The following TRAPPC9 variants were observed in gnomAD, a reference collection of about 807,000 sequenced individuals.
TRAPPC9 encodes the protein trafficking protein particle complex subunit 9.
In TRAPPC9, 83 loss-of-function variants were observed where a neutral mutation model predicts 124.0. The ratio of observed to expected loss-of-function variants is 0.67; its 90% CI spans 0.56 to 0.80. The LOEUF (loss-of-function observed/expected upper bound fraction) is 0.80, where lower values mean the gene tolerates loss of function less well. TRAPPC9 is among the 30% of genes least tolerant of loss of function. The probability of loss-of-function intolerance (pLI) is 0.00; values close to 1 mark genes in which losing one functional copy is unlikely to be tolerated. For synonymous variants in TRAPPC9, 638 were observed against 617.5 expected, an observed-to-expected ratio of 1.03 and a Z score of -0.49; for missense variants, 1,302 against 1,508.3, an observed-to-expected ratio of 0.86 and a Z score of 2.27.
chr8:139,946,749 G>C (rs1420308612), intron 19 of TRAPPC9, among the ~76,000 whole-genome samples: 1 of 151,920 alleles, frequency 6.6e-6, no homozygotes. Flanking sequence ...GGGAGGCCGA[G>C]GCGGGTGGAT....
intron 10 of TRAPPC9, among the ~76,000 whole-genome samples, chr8:140,307,592 C>T (rs1363434727): frequency 6.6e-6 from 1 of 152,170 alleles, no homozygotes; most frequent in Non-Finnish European, 1.5e-5. Flanking sequence ...GCTGACCAAG[C>T]ACGAATTTCT....
chr8:139,896,184 T>C (rs1398533674), intron 20 of TRAPPC9, among the ~76,000 whole-genome samples: 1 of 152,200 alleles, frequency 6.6e-6, no homozygotes, highest in East Asian at 1.9e-4. Flanking sequence ...TGCACAAGAA[T>C]GGCAAGGCTG....
At chr8:139,797,094 A>G (rs1363633975) in intron 21 of TRAPPC9, among the ~76,000 whole-genome samples, 1 of 151,860 alleles carries the variant, frequency 6.6e-6, no homozygotes, top group African/African-American at 2.4e-5. Flanking sequence ...AAATTGGGTT[A>G]TTTGTCTTTT....
At chr8:140,205,657 A>C (rs931240666) in intron 17 of TRAPPC9, among the ~76,000 whole-genome samples, 1 of 152,224 alleles carries the variant, frequency 6.6e-6, no homozygotes, top group African/African-American at 2.4e-5. Context: ...GATGAGGAGG[A>C]GGAATCCCCA....
chr8:140,403,849 G>A (rs2069368935), intron 6 of TRAPPC9, among the ~76,000 whole-genome samples: 1 of 151,822 alleles, frequency 6.6e-6, no homozygotes, highest in African/African-American at 2.4e-5. Context: ...GTAGAGACAG[G>A]GTTTCACCAT....
intron 17 of TRAPPC9, among the ~76,000 whole-genome samples, chr8:140,176,199 T>C (rs886673521): frequency 3.3e-5 from 5 of 152,234 alleles, no homozygotes; most frequent in African/African-American, 1.2e-4. Context: ...ATGTTGCCAC[T>C]CCAAGTGTAT....
chr8:139,903,903 G>A (rs571966599), intron 20 of TRAPPC9, among the ~76,000 whole-genome samples: 23 of 152,236 alleles, frequency 1.5e-4, no homozygotes, highest in African/African-American at 5.3e-4. Context: ...TTAGCCAGGC[G>A]TGGTGGCAGG....
At chr8:140,443,244 G>A (rs189382066) in intron 2 of TRAPPC9, among the ~76,000 whole-genome samples, 2 of 148,844 alleles carry the variant, frequency 1.3e-5, no homozygotes, top group South Asian at 2.2e-4. Flanking sequence ...GACCATCCTG[G>A]CTAACATGAT....
At chr8:140,122,023 T>TTCTCTCTCTCTCTCTCTC (rs533446141) in intron 17 of TRAPPC9, among the ~76,000 whole-genome samples, 4 of 138,438 alleles carry the variant, frequency 2.9e-5, no homozygotes, top group African/African-American at 1.1e-4. Context: ...CTTTCTTTCT[T>TTCTCTCTCTCTCTCTCTC]TCTCTCTCTC....
intron 17 of TRAPPC9, among the ~76,000 whole-genome samples, chr8:140,073,427 A>G (rs535929234): frequency 3.6e-4 from 55 of 152,374 alleles, no homozygotes; most frequent in African/African-American, 1.2e-3. Context: ...CGAACATTAT[A>G]CTGAGCAAAG....
intron 21 of TRAPPC9, among the ~76,000 whole-genome samples, chr8:139,797,176 T>C (rs552715291): frequency 6.6e-6 from 1 of 152,312 alleles, no homozygotes; most frequent in South Asian, 2.1e-4. Flanking sequence ...GGTTTGCAAA[T>C]ATTTTAATCC....
chr8:140,365,363 G>A (rs2068079445), intron 8 of TRAPPC9, among the ~76,000 whole-genome samples: 1 of 152,142 alleles, frequency 6.6e-6, no homozygotes, highest in African/African-American at 2.4e-5. Context: ...GCCTGCCCTG[G>A]TCCCTCACAT....
intron 17 of TRAPPC9, among the ~76,000 whole-genome samples, chr8:140,147,360 C>T (rs2061478497): frequency 6.6e-6 from 1 of 152,226 alleles, no homozygotes; most frequent in Non-Finnish European, 1.5e-5. Flanking sequence ...TGAGTGAGGG[C>T]AGCACAAACG....
intron 17 of TRAPPC9, among the ~76,000 whole-genome samples, chr8:140,186,813 A>C (rs551328124): frequency 6.6e-6 from 1 of 152,212 alleles, no homozygotes; most frequent in African/African-American, 2.4e-5. Context: ...GTGCAGAATC[A>C]TCAGGTCTTC....
intron 9 of TRAPPC9, among the ~76,000 whole-genome samples, chr8:140,313,919 G>C (rs992630383): frequency 4.6e-5 from 7 of 152,116 alleles, no homozygotes; most frequent in Admixed American, 1.3e-4. Flanking sequence ...AGAGTCAAAC[G>C]CTTATGCCCA....
At chr8:139,789,205 G>A (rs1822482980) in intron 21 of TRAPPC9, among the ~76,000 whole-genome samples, 2 of 151,944 alleles carry the variant, frequency 1.3e-5, no homozygotes, top group Admixed American at 1.3e-4. Context: ...GGAGACCCAC[G>A]CCTGCCTCGG....
intron 21 of TRAPPC9, among the ~76,000 whole-genome samples, chr8:139,828,717 G>A (rs920142426): frequency 6.6e-6 from 1 of 152,136 alleles, no homozygotes; most frequent in Non-Finnish European, 1.5e-5. Context: ...GATCACCAGC[G>A]AGCAACTTGA....
At chr8:139,797,461 T>C (rs536704450) in intron 21 of TRAPPC9, among the ~76,000 whole-genome samples, 4 of 152,316 alleles carry the variant, frequency 2.6e-5, no homozygotes, top group East Asian at 3.9e-4. Context: ...GGTTTCACCA[T>C]GTTGGCCAGG....
chr8:140,135,770 G>T (rs897188172), intron 17 of TRAPPC9, among the ~76,000 whole-genome samples: 3 of 152,196 alleles, frequency 2.0e-5, no homozygotes, highest in Admixed American at 2.0e-4. Flanking sequence ...TGTGAAAATG[G>T]TTGAAATTAC....
Sources: gnomAD v4.1 joint callset for allele counts (sites outside exome capture counted in the v4.1 genomes callset) on GRCh38, gnomAD v4.1.1 for gene constraint, MANE v1.5 for transcripts, NCBI Gene and HGNC (gene_info 2026-07-23, HGNC 2026-07-21) for gene names.